LRRC7: variants seen among roughly 807,000 people sequenced by gnomAD.
LRRC7 encodes leucine-rich repeat-containing protein 7.
A neutral mutation model predicts 175.7 loss-of-function variants in LRRC7; 23 were observed. The observed-to-expected ratio is 0.13, with a 90% CI of 0.09 to 0.19. The LOEUF (loss-of-function observed/expected upper bound fraction) is 0.19. Among genes scored for constraint, LRRC7 ranks in the 10% least tolerant of loss-of-function variants. The pLI is 1.00. For missense variants in LRRC7, 1,354 were observed against 1,904.7 expected (o/e 0.71, Z 5.38); for synonymous variants, 685 against 680.9 (o/e 1.01, Z -0.09).
chr1:70,012,017 T>A (rs1176155327), intron 12 of LRRC7, 91 bp downstream of exon 12: 4 of 810,944 alleles, frequency 4.9e-6, no homozygotes, highest in Non-Finnish European at 2.0e-6. Context: ...TGTAGATTCA[T>A]GAGTTGAGCT....
At chr1:69,757,320 T>C (rs1670540913) in intron 2 of LRRC7, among the ~76,000 whole-genome samples, 1 of 151,982 alleles carries the variant, frequency 6.6e-6, no homozygotes, top group Admixed American at 6.6e-5. Context: ...CAGCATGCTC[T>C]GCTTTTAAAG....
At chr1:69,732,948 G>A (rs536376971) in intron 2 of LRRC7, among the ~76,000 whole-genome samples, 114 of 152,118 alleles carry the variant, frequency 7.5e-4, no homozygotes, top group Admixed American at 1.7e-3. Context: ...GAGGCTCTGT[G>A]CCAGGCAAAT....
intron 3 of LRRC7, among the ~76,000 whole-genome samples, chr1:69,780,957 C>A (rs1458087896): frequency 6.6e-6 from 1 of 152,056 alleles, no homozygotes; most frequent in Non-Finnish European, 1.5e-5. Flanking sequence ...ACAACTAATA[C>A]TTTTGTATTT....
chr1:69,875,140 C>T (rs1372523541), intron 7 of LRRC7: 4 of 151,984 alleles, frequency 2.6e-5, no homozygotes, highest in African/African-American at 7.2e-5. Flanking sequence ...AAAGAGATTG[C>T]TTAAAACATT....
intron 1 of LRRC7, among the ~76,000 whole-genome samples, chr1:69,592,303 A>G (rs1227930722): frequency 6.6e-6 from 1 of 152,100 alleles, no homozygotes; most frequent in Non-Finnish European, 1.5e-5. Flanking sequence ...GCTGATTCAA[A>G]AGAACATAAG....
intron 11 of LRRC7, among the ~76,000 whole-genome samples, chr1:70,007,633 A>T (rs1361921542): frequency 4.6e-5 from 7 of 152,216 alleles, no homozygotes; most frequent in Non-Finnish European, 8.8e-5. Flanking sequence ...TCTTTTCATG[A>T]TACGTTGTTA....
chr1:70,002,004 C>A (rs980950208), intron 11 of LRRC7, among the ~76,000 whole-genome samples: 4 of 152,052 alleles, frequency 2.6e-5, no homozygotes, highest in Non-Finnish European at 4.4e-5. Context: ...TGTGATGCGT[C>A]TTTATATATA....
intron 7 of LRRC7, among the ~76,000 whole-genome samples, chr1:69,918,440 T>C (rs764447597): frequency 1.4e-4 from 22 of 152,242 alleles, no homozygotes; most frequent in Non-Finnish European, 2.5e-4. Context: ...TGTATGCTCA[T>C]GAAATTAAAA....
At chr1:69,641,573 T>C (rs993061730) in intron 1 of LRRC7, among the ~76,000 whole-genome samples, 3 of 151,624 alleles carry the variant, frequency 2.0e-5, no homozygotes, top group African/African-American at 7.2e-5. Flanking sequence ...TATGCATATT[T>C]TTATTCCTAT....
chr1:69,982,934 G>A (rs570743996), intron 9 of LRRC7, among the ~76,000 whole-genome samples: 2 of 152,254 alleles, frequency 1.3e-5, no homozygotes, highest in East Asian at 3.9e-4. Context: ...ATTCCAAAAA[G>A]AATGTTTAGG....
At chr1:69,585,726 T>C (rs1646377985) in intron 1 of LRRC7, among the ~76,000 whole-genome samples, 1 of 152,208 alleles carries the variant, frequency 6.6e-6, no homozygotes, top group African/African-American at 2.4e-5. Flanking sequence ...AAACATTTCT[T>C]GGAAGTACAA....
At chr1:69,923,864 T>G in intron 7 of LRRC7, among the ~76,000 whole-genome samples, 1 of 152,056 alleles carries the variant, frequency 6.6e-6, no homozygotes, top group East Asian at 1.9e-4. Context: ...GTTTTAGACA[T>G]GAAGTCCTTG....
Position 69,708,485 on chromosome 1 carries a change from G to T in LRRC7, c.100+30007G>T, listed in dbSNP as rs183254576. Among the ~76,000 whole-genome samples the T allele has an allele frequency of 2.6e-3, 400 of 152,238 alleles. 1 individual carries two copies. The highest frequency in any genetic ancestry group is 4.0e-3 in the Non-Finnish European group (271 of 68,028). On this transcript the variant is annotated intron_variant, in intron 2 of 26. Transcript: ENST00000651989. Reference sequence around the variant, plus strand: ...CTCCCAGAATTTTCTTCCTTTAGGTGTTCACTAAACTGTTACCACCTCATT... The same window carrying T: ...CTCCCAGAATTTTCTTCCTTTAGGTTTTCACTAAACTGTTACCACCTCATT...
At position 69,781,782 on chromosome 1, in the gene LRRC7, AAAGAAAGGAAGGAAGG is replaced by A. The variant is rs1294539756; in HGVS notation, c.304-10257_304-10242del. 2.6e-3 allele frequency among the ~76,000 whole-genome samples: 143 copies of A among 55,424 alleles called. 4 individuals carry two copies. The highest frequency in any genetic ancestry group is 8.8e-3 in the South Asian group (14 of 1,592). 36.4% of individuals were successfully genotyped at this position (55,424 alleles called of 152,430 possible). ...GAGAGAGAGAAAGAAAGAAAGAAAG[AAAGAAAGGAAGGAAGG>A]AAGGAAGGAAGGAAGGAAGGAAGGA... On this transcript the variant is annotated intron_variant, in intron 3 of 26. Transcript: ENST00000651989.
intron 8 of LRRC7, among the ~76,000 whole-genome samples, chr1:69,976,393 C>T (rs1262728938): frequency 6.6e-6 from 1 of 152,176 alleles, no homozygotes; most frequent in Non-Finnish European, 1.5e-5. Flanking sequence ...GCTTTATATT[C>T]GCTGGCAGCT....
chr1:69,688,349 G>A (rs573025702), intron 2 of LRRC7, among the ~76,000 whole-genome samples: 2 of 152,240 alleles, frequency 1.3e-5, no homozygotes, highest in African/African-American at 4.8e-5. Context: ...TTTTTTGTAA[G>A]CCATGTCCCA....
chr1:69,971,400 A>G (rs1429949445), intron 8 of LRRC7, among the ~76,000 whole-genome samples: 2 of 152,184 alleles, frequency 1.3e-5, no homozygotes, highest in Non-Finnish European at 2.9e-5. Flanking sequence ...AAGCTCCTAG[A>G]ACTGATAAAA....
rs1353506570 is a variant in LRRC7 at position 69,742,754 on chromosome 1, A to G, written c.101-17437A>G. On this transcript the variant is annotated intron_variant, in intron 2 of 26. Transcript: ENST00000651989. ...TTGTTTTAAATCTTTGTGACTGAAA[A>G]TATAATTATATTAGTGCCTTTGGCT... Among the ~76,000 whole-genome samples, 8 of 152,138 alleles carry G rather than the reference A, an allele frequency of 5.3e-5. No individual in the cohort carries two copies. The East Asian group carries it at 1.2e-3, about 22-fold the overall frequency.
chr1:69,591,598 C>G (rs1019058086), intron 1 of LRRC7, among the ~76,000 whole-genome samples: 2 of 152,046 alleles, frequency 1.3e-5, no homozygotes, highest in Non-Finnish European at 2.9e-5. Context: ...TTTCACAACT[C>G]TATGGTTCCA....
Sources: gnomAD v4.1 joint callset for allele counts (sites outside exome capture counted in the v4.1 genomes callset) on GRCh38, gnomAD v4.1.1 for gene constraint, MANE v1.5 for transcripts, NCBI Gene and HGNC (gene_info 2026-07-23, HGNC 2026-07-21) for gene names.